Variants in PANX1 observed in about 807,000 individuals in gnomAD.
The protein encoded by PANX1 is pannexin 1, also known as pannexin-1.
In PANX1, 30 loss-of-function variants were observed where a neutral mutation model predicts 38.7. The observed-to-expected ratio is 0.78, with a 90% CI of 0.58 to 1.05. The LOEUF (loss-of-function observed/expected upper bound fraction) is 1.05. PANX1 is among the 50% of genes least tolerant of loss of function. The probability of loss-of-function intolerance (pLI) is 0.00; values close to 1 mark genes in which losing one functional copy is unlikely to be tolerated. For missense variants in PANX1, 551 were observed against 517.2 expected (o/e 1.07, Z -0.63); for synonymous variants, 230 against 212.2 (o/e 1.08, Z -0.73).
chr11:94,157,036 G>A lies in PANX1; in HGVS notation c.321+3406G>A, dbSNP rs561993126. ...AATGATGGTTTCCAGCTTCATCCAT[G>A]TCCCTACAAAGGACATGAACTCATC... is the stretch of plus-strand genomic sequence containing the variant. On this transcript the variant is annotated intron_variant, in intron 2 of 4. Transcript: ENST00000227638. 1.4e-3 allele frequency among the ~76,000 whole-genome samples: 206 copies of A among 152,164 alleles called. 1 individual carries two copies. The highest frequency in any genetic ancestry group is 4.6e-3 in the African/African-American group (192 of 41,518).
intron 2 of PANX1, among the ~76,000 whole-genome samples, chr11:94,157,414 T>G (rs529187854): frequency 7.2e-5 from 11 of 152,328 alleles, no homozygotes; most frequent in Middle Eastern, 3.4e-3. Flanking sequence ...TCCTGACTTT[T>G]TAATGATCGC....
intron 2 of PANX1, among the ~76,000 whole-genome samples, chr11:94,160,658 A>ATGGGTCT (rs1947016366): frequency 6.6e-6 from 1 of 152,120 alleles, no homozygotes; most frequent in South Asian, 2.1e-4. Flanking sequence ...CAGCACACTG[A>ATGGGTCT]TGGGTCTTGA....
At chr11:94,175,973 G>A (rs1591526559) in intron 2 of PANX1, 1 of 814,040 alleles carries the variant, frequency 1.2e-6, no homozygotes, top group African/African-American at 1.9e-5. Context: ...GTGGGTCTGT[G>A]ATAGTGACAG....
chr11:94,149,489 G>A (rs1242003059), intron 1 of PANX1, among the ~76,000 whole-genome samples: 1 of 152,150 alleles, frequency 6.6e-6, no homozygotes, highest in Non-Finnish European at 1.5e-5. Context: ...CTTCCTCTGG[G>A]CCTTGTGAGC....
At chr11:94,146,396 G>A (rs536545940) in intron 1 of PANX1, among the ~76,000 whole-genome samples, 1 of 152,320 alleles carries the variant, frequency 6.6e-6, no homozygotes, top group East Asian at 1.9e-4. Context: ...TCACCACTGG[G>A]TGAAAGTGTG....
intron 2 of PANX1, among the ~76,000 whole-genome samples, chr11:94,162,656 T>A (rs1162822630): frequency 2.6e-5 from 4 of 152,168 alleles, no homozygotes; most frequent in African/African-American, 9.7e-5. Context: ...TCCTGACCCC[T>A]TGCGCTTCCC....
chr11:94,130,393 G>T (rs1366009859), intron 1 of PANX1, among the ~76,000 whole-genome samples: 1 of 152,230 alleles, frequency 6.6e-6, no homozygotes, highest in Non-Finnish European at 1.5e-5. Context: ...TTCCTGGAAA[G>T]AGAGACACAG....
chr11:94,157,454 T>C (rs1406989357), intron 2 of PANX1, among the ~76,000 whole-genome samples: 1 of 152,172 alleles, frequency 6.6e-6, no homozygotes, highest in Non-Finnish European at 1.5e-5. Flanking sequence ...TGGTATCTCA[T>C]TGTGGTTTTG....
chr11:94,137,498 G>T (rs1946708822), intron 1 of PANX1, among the ~76,000 whole-genome samples: 1 of 152,078 alleles, frequency 6.6e-6, no homozygotes. Context: ...AGAAAGGGAG[G>T]CAATTTGGGG....
chr11:94,137,534 C>G (rs1946709047), intron 1 of PANX1, among the ~76,000 whole-genome samples: 1 of 151,950 alleles, frequency 6.6e-6, no homozygotes, highest in Non-Finnish European at 1.5e-5. Flanking sequence ...AAGCTAGGAA[C>G]TCTGGGCGAG....
At chr11:94,159,785 G>A (rs1451795692) in intron 2 of PANX1, among the ~76,000 whole-genome samples, 1 of 151,414 alleles carries the variant, frequency 6.6e-6, no homozygotes, top group Non-Finnish European at 1.5e-5. Context: ...GAATGTGTTT[G>A]CTCTTGCTTC....
rs1037241075 is a variant in PANX1, at chr11:94,129,034, C to G, written c.-279C>G. 3.5e-6 allele frequency: 1 copy of G among 285,594 alleles called. No individual in the cohort carries two copies. The highest frequency in any genetic ancestry group is 6.5e-6 in the Non-Finnish European group (1 of 154,108). 17.7% of individuals were successfully genotyped at this position (285,594 alleles called of 1,614,324 possible). A position where few individuals can be genotyped will look rare whatever the true frequency, so the allele number is the denominator to read the frequency against. ...GCGAATCCGAGTGCCGCGCGCGGCC[C>G]GGGGACTTGCACGGGCGTGCGGGGT... On this transcript the variant is annotated 5_prime_UTR_variant, in exon 1 of 5. Transcript: ENST00000227638.
chr11:94,177,290 A>T (rs1280955344), intron 2 of PANX1, among the ~76,000 whole-genome samples: 1 of 151,158 alleles, frequency 6.6e-6, no homozygotes, highest in Non-Finnish European at 1.5e-5. Context: ...AGGGAACAGA[A>T]AGGAAAAGAA....
At chr11:94,129,629 G>C (rs1946602433) in intron 1 of PANX1, 136 bp downstream of exon 1, 1 of 743,776 alleles carries the variant, frequency 1.3e-6, no homozygotes, top group Non-Finnish European at 2.1e-6. Flanking sequence ...AGTGGCCCCA[G>C]TTTTATGGTC....
intron 1 of PANX1, among the ~76,000 whole-genome samples, chr11:94,149,070 TCTC>T (rs942767219): frequency 7.2e-5 from 11 of 152,066 alleles, no homozygotes; most frequent in Non-Finnish European, 1.2e-4. Flanking sequence ...TTAGTTCCCT[TCTC>T]CTGCCTAGGA....
intron 3 of PANX1, 64 bp downstream of exon 3, chr11:94,178,656 C>A: frequency 1.6e-6 from 2 of 1,248,378 alleles, no homozygotes; most frequent in Non-Finnish European, 2.3e-6. Flanking sequence ...CCTTCTACTG[C>A]CAGTCTGGGC....
At chr11:94,143,891 G>T (rs1441022083) in intron 1 of PANX1, among the ~76,000 whole-genome samples, 1 of 152,042 alleles carries the variant, frequency 6.6e-6, no homozygotes, top group Non-Finnish European at 1.5e-5. Flanking sequence ...TGGGACCACA[G>T]GCGCACGCCA....
chr11:94,150,669 C>G (rs188183621), intron 1 of PANX1, among the ~76,000 whole-genome samples: 82 of 152,272 alleles, frequency 5.4e-4, no homozygotes, highest in African/African-American at 1.4e-3. Flanking sequence ...CTTTGCCCCC[C>G]TCTTCACTCC....
chr11:94,151,117 T>C (rs914298088), intron 1 of PANX1, among the ~76,000 whole-genome samples: 5 of 152,326 alleles, frequency 3.3e-5, no homozygotes, highest in South Asian at 4.1e-4. Context: ...GAGGTAATGA[T>C]TTAAAGGGCT....
Sources: allele counts gnomAD v4.1 joint callset (sites outside exome capture counted in the v4.1 genomes callset), GRCh38; gene constraint gnomAD v4.1.1; transcripts MANE v1.5; gene names NCBI Gene and HGNC (gene_info 2026-07-23, HGNC 2026-07-21).